The following GSE1 variants were observed in gnomAD, a reference collection of about 807,000 sequenced individuals.
GSE1 encodes the protein genetic suppressor element 1.
In GSE1, 32 loss-of-function variants were observed where a neutral mutation model predicts 112.6. The observed-to-expected ratio is 0.28, with a 90% CI of 0.21 to 0.38. GSE1 has a LOEUF of 0.38. Among genes scored for constraint, GSE1 ranks in the 10% least tolerant of loss-of-function variants. GSE1 has a pLI of 1.00. For synonymous variants in GSE1, 1,115 were observed against 735.6 expected (o/e 1.52, Z -8.35); for missense variants, 2,348 against 1,699.2 (o/e 1.38, Z -6.71).
intron 2 of GSE1, among the ~76,000 whole-genome samples, 194 bp from the exon 3 acceptor site, chr16:85,648,358 C>T (rs2051055972): frequency 6.6e-6 from 1 of 152,086 alleles, no homozygotes; most frequent in Non-Finnish European, 1.5e-5. Context: ...GTAGACTGAG[C>T]TGCTGACCCG....
chr16:85,644,274 G>A (rs547882455), intron 2 of GSE1, among the ~76,000 whole-genome samples: 2 of 152,112 alleles, frequency 1.3e-5, no homozygotes, highest in African/African-American at 4.8e-5. Context: ...AGGAGGTTGA[G>A]GCTGCAGTGA....
At chr16:85,337,407 G>A (rs1435674852) in intron 1 of GSE1, among the ~76,000 whole-genome samples, 3 of 150,342 alleles carry the variant, frequency 2.0e-5, no homozygotes, top group South Asian at 2.1e-4. Flanking sequence ...CCGGGTTCAC[G>A]CCATTCTCCT....
At position 85,249,553 on chromosome 16, in the gene GSE1, C is replaced by T. The variant is rs578056248; in HGVS notation, c.2283+77746C>T. Among the ~76,000 whole-genome samples the T allele has an allele frequency of 2.6e-5, 4 of 152,336 alleles. No homozygotes were observed. The South Asian group carries it at 8.3e-4, about 32-fold the overall frequency. On this transcript the variant is annotated intron_variant, in intron 1 of 2. Transcript: ENST00000637419. ...CAAAGGCTGCTGCCAGCGCCAGCAC[C>T]AGCACCAAGACTTCTCACGGATTGT... is the stretch of plus-strand genomic sequence containing the variant.
chr16:85,381,168 T>G (rs7196096), intron 2 of GSE1, among the ~76,000 whole-genome samples: 152,337 of 152,338 alleles, frequency 1, 76,168 homozygotes, highest in Non-Finnish European at 1. Context: ...TTATGAATCT[T>G]CCTATTCTGG....
rs532084002 is a variant in GSE1, at chr16:85,208,023, T to TG, written c.2283+36224dup. The TG allele has an allele frequency of 8.3e-3, 1,241 of 148,756 alleles. 13 individuals are homozygous for TG. The highest frequency in any genetic ancestry group is 0.027 in the African/African-American group (1,099 of 40,462). The allele number at this position is 148,756 out of a possible 1,614,324, so 9.2% of individuals were successfully genotyped here. ...AGGGTCCCTGGGGACAGAGGAAGTT[T>TG]GGGGGGGGTGCCAGGTGCCCAGGAC... On this transcript the variant is annotated intron_variant, in intron 1 of 2. Transcript: ENST00000637419.
chr16:85,456,581 T>C (rs968656277), intron 2 of GSE1, among the ~76,000 whole-genome samples: 13 of 33,854 alleles, frequency 3.8e-4, no homozygotes, highest in African/African-American at 1.7e-3. Flanking sequence ...TTTCCTGCCG[T>C]GTGTGTGTGT....
intron 2 of GSE1, among the ~76,000 whole-genome samples, chr16:85,443,224 C>T (rs750950607): frequency 7.9e-5 from 12 of 152,322 alleles, no homozygotes; most frequent in Non-Finnish European, 1.0e-4. Context: ...CTGCCTGCTC[C>T]GTGAGGGGCT....
At chr16:85,566,243 G>T (rs2045741915) in intron 1 of GSE1, among the ~76,000 whole-genome samples, 1 of 152,224 alleles carries the variant, frequency 6.6e-6, no homozygotes, top group Admixed American at 6.5e-5. Context: ...ACCCCACCTG[G>T]GAGACCTGGC....
At chr16:85,357,956 G>C (rs2046985805) in intron 2 of GSE1, among the ~76,000 whole-genome samples, 1 of 152,104 alleles carries the variant, frequency 6.6e-6, no homozygotes, top group Non-Finnish European at 1.5e-5. Flanking sequence ...TAAAAAAAAT[G>C]ATGTTATGGA....
At chr16:85,208,057 T>A (rs957916164) in intron 1 of GSE1, among the ~76,000 whole-genome samples, 1 of 152,046 alleles carries the variant, frequency 6.6e-6, no homozygotes, top group Admixed American at 6.5e-5. Flanking sequence ...ACCATGGGGA[T>A]GTACCCCACA....
chr16:85,609,454 T>C (rs1264030536), upstream of GSE1, among the ~76,000 whole-genome samples: 1 of 152,206 alleles, frequency 6.6e-6, no homozygotes, highest in East Asian at 1.9e-4. Flanking sequence ...TCAGTTTTGT[T>C]TCTGGAAAAC....
At chr16:85,482,031 C>T (rs979980324) in intron 2 of GSE1, among the ~76,000 whole-genome samples, 40 of 152,246 alleles carry the variant, frequency 2.6e-4, no homozygotes, top group Non-Finnish European at 5.4e-4. Flanking sequence ...TGGCCTCAGT[C>T]ATTCGGCCTT....
intron 1 of GSE1, among the ~76,000 whole-genome samples, chr16:85,573,055 G>A (rs961798496): frequency 1.3e-5 from 2 of 152,104 alleles, no homozygotes; most frequent in African/African-American, 2.4e-5. Context: ...TTTTTAGTAG[G>A]GTTTTGCCAT....
At chr16:85,318,838 T>C (rs981582530) in intron 1 of GSE1, among the ~76,000 whole-genome samples, 4 of 152,212 alleles carry the variant, frequency 2.6e-5, no homozygotes, top group African/African-American at 9.7e-5. Context: ...CCTCCCGGAC[T>C]GTCAGTTCCT....
chr16:85,465,386 A>T (rs903171112), intron 2 of GSE1, among the ~76,000 whole-genome samples: 1 of 152,310 alleles, frequency 6.6e-6, no homozygotes, highest in African/African-American at 2.4e-5. Flanking sequence ...CTGGGCTCCC[A>T]TCTGGGTTCT....
At chr16:85,326,004 C>A (rs982783546) in intron 1 of GSE1, among the ~76,000 whole-genome samples, 2 of 152,200 alleles carry the variant, frequency 1.3e-5, no homozygotes, top group East Asian at 3.8e-4. Context: ...GCCTCAGCCT[C>A]CCAAAGTGCT....
chr16:85,629,440 G>A (rs2049360358), intron 1 of GSE1, among the ~76,000 whole-genome samples: 2 of 152,188 alleles, frequency 1.3e-5, no homozygotes, highest in South Asian at 4.1e-4. Flanking sequence ...TTTTGCGGTA[G>A]CATGTGGTGT....
intron 1 of GSE1, among the ~76,000 whole-genome samples, chr16:85,559,796 C>T (rs1245041167): frequency 1.3e-5 from 2 of 152,204 alleles, no homozygotes; most frequent in African/African-American, 4.8e-5. Flanking sequence ...TGGCCCGGCC[C>T]ATTGTAAGTC....
intron 1 of GSE1, chr16:85,595,783 TC>T (rs2047194902): frequency 7.1e-6 from 1 of 141,830 alleles, no homozygotes; most frequent in Non-Finnish European, 1.5e-5. Context: ...TATCCATCCA[TC>T]CCTCTATCCA....
Sources: allele counts gnomAD v4.1 joint callset (sites outside exome capture counted in the v4.1 genomes callset), GRCh38; gene constraint gnomAD v4.1.1; transcripts MANE v1.5; gene names NCBI Gene and HGNC (gene_info 2026-07-23, HGNC 2026-07-21).